The following NUP107 variants were observed in gnomAD, a reference collection of about 807,000 sequenced individuals.
NUP107 encodes nucleoporin 107.
In NUP107, 101 loss-of-function variants were observed where a neutral mutation model predicts 141.0. That is an observed-to-expected ratio of 0.72 (90% CI 0.61 to 0.84). The LOEUF is 0.84. Ranked by LOEUF, NUP107 falls within the 40% of genes least tolerant of loss-of-function variation. The pLI, the probability that NUP107 is intolerant of heterozygous loss-of-function variation, is 0.00. For synonymous variants in NUP107, 319 were observed against 363.9 expected (o/e 0.88, Z 1.41); for missense variants, 941 against 1,102.7 (o/e 0.85, Z 2.08).
intron 14 of NUP107, among the ~76,000 whole-genome samples, chr12:68,720,589 T>C (rs964384761): frequency 5.3e-5 from 8 of 152,184 alleles, no homozygotes; most frequent in African/African-American, 1.9e-4. Context: ...TGGACTCAGT[T>C]ATGCAGTAAG....
intron 12 of NUP107, 108 bp from the exon 13 acceptor site, chr12:68,719,233 T>C (rs746607631): frequency 7.9e-6 from 6 of 759,830 alleles, no homozygotes; most frequent in Non-Finnish European, 1.1e-5. Flanking sequence ...TGTAATGGGA[T>C]GGATGGAACA....
At chr12:68,696,428 A>G (rs1308753681) in intron 5 of NUP107, among the ~76,000 whole-genome samples, 1 of 132,022 alleles carries the variant, frequency 7.6e-6, no homozygotes, top group Non-Finnish European at 1.6e-5. Flanking sequence ...AAATTTTCAA[A>G]CAGGCTGGGT....
chr12:68,716,414 A>G (rs554489473), intron 12 of NUP107, among the ~76,000 whole-genome samples: 35 of 151,378 alleles, frequency 2.3e-4, no homozygotes, highest in Non-Finnish European at 7.4e-5. Flanking sequence ...TATTTTTTGT[A>G]CAGACGGAGT....
At chr12:68,723,265 G>A (rs192791275) in intron 17 of NUP107, among the ~76,000 whole-genome samples, 98 of 152,182 alleles carry the variant, frequency 6.4e-4, no homozygotes, top group African/African-American at 2.4e-3. Context: ...AGCTCCTCCA[G>A]AGGCTGAAGT....
chr12:68,696,755 A>T, intron 5 of NUP107, 64 bp from the exon 6 acceptor site: 1 of 835,886 alleles, frequency 1.2e-6, no homozygotes, highest in Non-Finnish European at 1.9e-6. Context: ...AAACAAACGG[A>T]ATTACCTAGA....
intron 18 of NUP107, 105 bp from the exon 19 acceptor site, chr12:68,726,394 G>A: frequency 2.8e-6 from 2 of 701,808 alleles, no homozygotes; most frequent in South Asian, 3.6e-5. Flanking sequence ...TTATGAGACA[G>A]TGACTTGAAA....
In NUP107 at chr12:68,735,305, G is replaced by A. The variant is rs752249834; in HGVS notation, c.2463G>A (p.Leu821=). Residue 821 remains leucine, a synonymous_variant, in exon 26 of 28, where the codon TTG becomes TTA. Transcript: ENST00000229179. ...ADVKEKMYNV[L]LFVDGGWMVD... is the part of the protein sequence containing the mutation. ...TGAAGGAGAAAATGTATAACGTCTTGTTGTTTGTTGATGGAGGGTGGATGG... is the reference window on the plus strand; with the variant it reads ...TGAAGGAGAAAATGTATAACGTCTTATTGTTTGTTGATGGAGGGTGGATGG... 5.0e-6 allele frequency: 8 copies of A among 1,614,032 alleles called. No homozygotes were observed. In the South Asian group the frequency reaches 8.8e-5, roughly 18 times the overall value.
At chr12:68,710,959 A>G (rs1416032825) in intron 10 of NUP107, among the ~76,000 whole-genome samples, 1 of 151,870 alleles carries the variant, frequency 6.6e-6, no homozygotes, top group East Asian at 2.0e-4. Flanking sequence ...AGCTTTGGGG[A>G]AAAAAATGAA....
intron 26 of NUP107, chr12:68,740,240 C>G (rs1878269008): frequency 6.6e-6 from 1 of 152,150 alleles, no homozygotes; most frequent in African/African-American, 2.4e-5. Context: ...CATTGGAGCA[C>G]AAATGGAAAG....
chr12:68,740,733 A>G (rs1487115338), intron 26 of NUP107, among the ~76,000 whole-genome samples: 4 of 151,888 alleles, frequency 2.6e-5, no homozygotes, highest in Non-Finnish European at 5.9e-5. Context: ...CCTATTTTTA[A>G]GATTATTTCA....
intron 10 of NUP107, 121 bp downstream of exon 10, chr12:68,710,214 G>C (rs543578208): frequency 1.8e-6 from 1 of 556,862 alleles, no homozygotes; most frequent in Non-Finnish European, 3.2e-6. Flanking sequence ...ACTTTGTTTG[G>C]TGTGTGAGCA....
intron 5 of NUP107, among the ~76,000 whole-genome samples, chr12:68,695,935 A>G (rs1276848217): frequency 1.3e-5 from 2 of 151,080 alleles, no homozygotes; most frequent in Non-Finnish European, 2.9e-5. Context: ...TGAACCTAGG[A>G]GTTTGAGGCT....
intron 26 of NUP107, among the ~76,000 whole-genome samples, chr12:68,741,027 C>G (rs1878299114): frequency 6.7e-6 from 1 of 149,482 alleles, no homozygotes; most frequent in Non-Finnish European, 1.5e-5. Context: ...GACTGGGCGA[C>G]AGAGTGAGAT....
intron 22 of NUP107, among the ~76,000 whole-genome samples, chr12:68,732,378 C>A (rs544078206): frequency 1.3e-5 from 2 of 152,194 alleles, no homozygotes; most frequent in South Asian, 4.2e-4. Context: ...TCAAGAGATC[C>A]GCTCGCCTGG....
Position 68,745,573 on chromosome 12 carries a change from T to C in NUP107, c.*3111T>C, listed in dbSNP as rs1199507749. 2 of 152,160 alleles carry C rather than the reference T, an allele frequency of 1.3e-5. No homozygotes were observed. Among genetic ancestry groups the C allele is most frequent in the African/African-American group, 4.8e-5 (2 of 41,430 alleles). 9.4% of individuals were successfully genotyped at this position (152,160 alleles called of 1,614,324 possible). A position where few individuals can be genotyped will look rare whatever the true frequency, so the allele number is the denominator to read the frequency against. On this transcript the variant is annotated 3_prime_UTR_variant, in exon 28 of 28. Transcript: ENST00000229179. ...GTATGCACCCCTAGAGACAGCTGTA[T>C]ATATATACGGTTTTGCCAGGTTGTA... is the stretch of plus-strand genomic sequence containing the variant.
At chr12:68,706,613 G>A (rs1340015978) in intron 8 of NUP107, 3 of 704,442 alleles carry the variant, frequency 4.3e-6, no homozygotes, top group African/African-American at 3.5e-5. Flanking sequence ...AAGGCCAGAG[G>A]GCTTCCCTGG....
intron 9 of NUP107, 111 bp from the exon 10 acceptor site, chr12:68,709,894 A>T (rs978133172): frequency 7.8e-6 from 5 of 641,974 alleles, no homozygotes; most frequent in African/African-American, 7.5e-5. Flanking sequence ...TTCTCAAAAA[A>T]AAAAATAAAA....
chr12:68,709,888 C>CAAAA, intron 9 of NUP107, 117 bp from the exon 10 acceptor site: 1 of 490,692 alleles, frequency 2.0e-6, no homozygotes, highest in Admixed American at 3.5e-5. Context: ...GACTCTTTCT[C>CAAAA]AAAAAAAAAA....
intron 5 of NUP107, among the ~76,000 whole-genome samples, chr12:68,694,699 C>T (rs566624042): frequency 3.3e-5 from 5 of 152,216 alleles, no homozygotes; most frequent in African/African-American, 4.8e-5. Flanking sequence ...GTTGGGAGTT[C>T]GAGACCAGCC....
Sources: allele counts gnomAD v4.1 joint callset (sites outside exome capture counted in the v4.1 genomes callset), GRCh38; gene constraint gnomAD v4.1.1; transcripts MANE v1.5; gene names NCBI Gene and HGNC (gene_info 2026-07-23, HGNC 2026-07-21).